The following ATP8A2 variants were observed in gnomAD, a reference collection of about 807,000 sequenced individuals.
The protein encoded by ATP8A2 is ATPase phospholipid transporting 8A2.
Under a neutral mutation model 165.6 loss-of-function variants are expected in ATP8A2, and 100 were observed. The ratio of observed to expected loss-of-function variants is 0.60; its 90% CI spans 0.51 to 0.71. The LOEUF (loss-of-function observed/expected upper bound fraction) is 0.71. Among genes scored for constraint, ATP8A2 ranks in the 30% least tolerant of loss-of-function variants. The pLI is 0.00. For missense variants in ATP8A2, 1,227 were observed against 1,479.5 expected, an observed-to-expected ratio of 0.83 and a Z score of 2.80; for synonymous variants, 543 against 548.8, an observed-to-expected ratio of 0.99 and a Z score of 0.15.
chr13:25,726,851 A>G (rs2138062798), intron 25 of ATP8A2, among the ~76,000 whole-genome samples: 1 of 152,304 alleles, frequency 6.6e-6, no homozygotes, highest in Non-Finnish European at 1.5e-5. Flanking sequence ...AGAGTGCTAG[A>G]TTTTTGAGGG....
intron 22 of ATP8A2, among the ~76,000 whole-genome samples, chr13:25,580,783 C>T (rs1408928615): frequency 6.6e-6 from 1 of 152,158 alleles, no homozygotes; most frequent in Non-Finnish European, 1.5e-5. Flanking sequence ...GTCCTCATGC[C>T]TTGGCTTCCC....
chr13:25,786,804 T>C (rs1018322044), intron 27 of ATP8A2, among the ~76,000 whole-genome samples: 1 of 150,152 alleles, frequency 6.7e-6, no homozygotes, highest in Admixed American at 6.7e-5. Context: ...TTGCCCAGGC[T>C]GGAGTGCAGT....
intron 36 of ATP8A2, among the ~76,000 whole-genome samples, chr13:26,012,932 C>T (rs947754336): frequency 6.6e-6 from 1 of 152,076 alleles, no homozygotes; most frequent in African/African-American, 2.4e-5. Flanking sequence ...AAACTGTTGC[C>T]CCTAAAGATA....
intron 24 of ATP8A2, among the ~76,000 whole-genome samples, chr13:25,639,232 G>A (rs901699924): frequency 7.2e-5 from 11 of 152,152 alleles, no homozygotes; most frequent in African/African-American, 2.4e-4. Flanking sequence ...ATAATGACAG[G>A]ATCAAATTCA....
intron 35 of ATP8A2, among the ~76,000 whole-genome samples, chr13:26,006,757 C>T (rs1956748259): frequency 6.6e-6 from 1 of 151,838 alleles, no homozygotes; most frequent in Non-Finnish European, 1.5e-5. Flanking sequence ...GCTTTTTCTG[C>T]ATCAATTGAA....
At chr13:25,465,667 C>CTTTG (rs1215571751) in intron 1 of ATP8A2, among the ~76,000 whole-genome samples, 1 of 5,614 alleles carries the variant, frequency 1.8e-4, no homozygotes, top group African/African-American at 4.8e-4. Context: ...GCAGAGTTTT[C>CTTTG]TTTCTTTCTT....
intron 24 of ATP8A2, among the ~76,000 whole-genome samples, chr13:25,671,526 G>A (rs1376798223): frequency 6.6e-6 from 1 of 152,182 alleles, no homozygotes; most frequent in African/African-American, 2.4e-5. Context: ...GAAAGAGAAT[G>A]TGTACCTGGA....
chr13:26,013,668 T>C (rs571095798), intron 36 of ATP8A2, among the ~76,000 whole-genome samples: 47 of 79,904 alleles, frequency 5.9e-4, no homozygotes, highest in African/African-American at 1.7e-3. Flanking sequence ...GAGCGAAACT[T>C]GGTCTCAAAA....
intron 24 of ATP8A2, among the ~76,000 whole-genome samples, chr13:25,603,717 G>C (rs896226338): frequency 3.9e-5 from 6 of 152,070 alleles, no homozygotes; most frequent in African/African-American, 1.4e-4. Flanking sequence ...TTGGATGTGG[G>C]ATAGAAGAAG....
chr13:25,817,256 A>G (rs891388840), intron 27 of ATP8A2, among the ~76,000 whole-genome samples: 1 of 151,616 alleles, frequency 6.6e-6, no homozygotes, highest in African/African-American at 2.4e-5. Context: ...CCTTGACACA[A>G]TTTGGAGCGA....
intron 33 of ATP8A2, among the ~76,000 whole-genome samples, chr13:25,878,020 A>G (rs1309709957): frequency 6.6e-6 from 1 of 152,226 alleles, no homozygotes; most frequent in African/African-American, 2.4e-5. Flanking sequence ...TGTAAACAAA[A>G]TGTTATCAGT....
At chr13:25,376,292 GATA>G (rs2032623441) in intron 1 of ATP8A2, among the ~76,000 whole-genome samples, 1 of 152,202 alleles carries the variant, frequency 6.6e-6, no homozygotes, top group African/African-American at 2.4e-5. Context: ...AAGAAATAAA[GATA>G]ATAATCTAAT....
intron 33 of ATP8A2, among the ~76,000 whole-genome samples, chr13:25,954,628 C>A (rs900104440): frequency 2.6e-5 from 4 of 152,162 alleles, no homozygotes; most frequent in African/African-American, 9.7e-5. Context: ...TGGCATCTGG[C>A]GGGTGCCCCT....
chr13:25,673,514 G>C (rs1223425525), intron 24 of ATP8A2, among the ~76,000 whole-genome samples: 3 of 152,168 alleles, frequency 2.0e-5, no homozygotes, highest in Non-Finnish European at 4.4e-5. Context: ...AACAAATGTG[G>C]TACTGGAAAA....
Position 25,751,452 on chromosome 13 carries a change from A to AT in ATP8A2, c.2385-17585dup, listed in dbSNP as rs139551225. 4.5e-3 allele frequency among the ~76,000 whole-genome samples: 688 copies of AT among 151,508 alleles called. 3 individuals are homozygous for AT. Among genetic ancestry groups the AT allele is most frequent in the African/African-American group, 0.015 (622 of 41,312 alleles). On this transcript the variant is annotated intron_variant, in intron 25 of 36. Transcript: ENST00000381655. The stretch of plus-strand genomic sequence containing the variant: ...TATTATTTATTTATTTTATTTTATG[A>AT]TTTTTTTTTCTTTTAAGAGACAGGG...
chr13:25,954,461 G>T (rs1407850783), intron 33 of ATP8A2, among the ~76,000 whole-genome samples: 1 of 152,180 alleles, frequency 6.6e-6, no homozygotes, highest in Non-Finnish European at 1.5e-5. Context: ...TTGCCTGCCG[G>T]CTCTGAACAG....
intron 24 of ATP8A2, among the ~76,000 whole-genome samples, chr13:25,656,614 A>G (rs1384396570): frequency 6.6e-6 from 1 of 151,692 alleles, no homozygotes; most frequent in Non-Finnish European, 1.5e-5. Context: ...CAATGGATTC[A>G]GATCATTGAG....
At chr13:25,713,538 C>T (rs982502964) in intron 25 of ATP8A2, among the ~76,000 whole-genome samples, 2 of 152,124 alleles carry the variant, frequency 1.3e-5, no homozygotes, top group Non-Finnish European at 2.9e-5. Context: ...GATTCTCAGT[C>T]AGGAGTCTAG....
At chr13:25,986,146 A>G (rs576088191) in intron 35 of ATP8A2, among the ~76,000 whole-genome samples, 17 of 152,334 alleles carry the variant, frequency 1.1e-4, no homozygotes, top group Middle Eastern at 6.8e-3. Flanking sequence ...TGATAGACGT[A>G]TAGATTGGGA....
Sources: allele counts gnomAD v4.1 joint callset (sites outside exome capture counted in the v4.1 genomes callset), GRCh38; gene constraint gnomAD v4.1.1; transcripts MANE v1.5; gene names NCBI Gene and HGNC (gene_info 2026-07-23, HGNC 2026-07-21).